The following OR8G1 variants were observed in gnomAD, a reference collection of about 807,000 sequenced individuals.
OR8G1 encodes the protein olfactory receptor 8G1.
For synonymous variants in OR8G1, 129 were observed against 133.3 expected, an observed-to-expected ratio of 0.97 and a Z score of 0.22; for missense variants, 372 against 356.2, an observed-to-expected ratio of 1.04 and a Z score of -0.36.
chr11:124,243,945 CAAAA>C (rs140926213), intron 1 of OR8G1, among the ~76,000 whole-genome samples: 2,745 of 149,882 alleles, frequency 0.018, 90 homozygotes, highest in African/African-American at 0.063. Context: ...TAAAAAATAA[CAAAA>C]GAAAGAGCTA....
chr11:124,246,192 A>G (rs1300288760), intron 1 of OR8G1, among the ~76,000 whole-genome samples: 1 of 151,942 alleles, frequency 6.6e-6, no homozygotes, highest in Non-Finnish European at 1.5e-5. Context: ...TAATTTTTGT[A>G]TAAGGTGTAA....
rs1295819838 is a variant in OR8G1, at chr11:124,250,055, G to T, written c.380G>T (p.Cys127Phe). 25 of 1,613,736 alleles carry T rather than the reference G, an allele frequency of 1.5e-5. No homozygotes were observed. The highest frequency in any genetic ancestry group is 1.9e-5 in the Non-Finnish European group (22 of 1,179,848). Residue 127 changes from cysteine (C) to phenylalanine (F), a missense_variant, in exon 3 of 3, where the codon TGT (cysteine) becomes TTT (phenylalanine). Transcript: ENST00000641972. ...AMAYDRYMAI[C>F]SPLLYSVIIS... ...GCGTATGACCGTTACATGGCCATCT[G>T]TAGCCCCTTGCTGTACAGTGTCATC... is the stretch of plus-strand genomic sequence containing the variant.
chr11:124,243,126 T>C (rs999084985), intron 1 of OR8G1, among the ~76,000 whole-genome samples: 2 of 152,066 alleles, frequency 1.3e-5, no homozygotes, highest in African/African-American at 2.4e-5. Context: ...ATGCTTTTGA[T>C]ATTCATGATG....
At chr11:124,241,795 C>T (rs1307568568) in intron 1 of OR8G1, among the ~76,000 whole-genome samples, 2 of 152,058 alleles carry the variant, frequency 1.3e-5, no homozygotes, top group Non-Finnish European at 2.9e-5. Flanking sequence ...GTGAATGTGA[C>T]AGACTCTAGG....
At position 124,249,981 on chromosome 11, in the gene OR8G1, C is replaced by T. The variant is rs1284672539; in HGVS notation, c.306C>T (p.Tyr102=). The T allele has an allele frequency of 3.7e-6, 6 of 1,613,838 alleles. No individual in the cohort carries two copies. Among genetic ancestry groups the T allele is most frequent in the Middle Eastern group, 1.6e-4 (1 of 6,062 alleles). Residue 102 remains tyrosine, a synonymous_variant, in exon 3 of 3, where the codon TAC becomes TAT. Coordinates refer to ENST00000641972, the MANE Select transcript of OR8G1 (RefSeq NM_001002905.2). Reference sequence around the variant, plus strand: ...ACCCTGAATGCATGACTCAGCTCTACTTCTTCCTCGTTTTTGCTATTGCAG... The same window carrying T: ...ACCCTGAATGCATGACTCAGCTCTATTTCTTCCTCGTTTTTGCTATTGCAG... The part of the protein sequence containing the change: ...ISYPECMTQL[Y]FFLVFAIAEC...
Position 124,247,367 on chromosome 11 carries a change from AG to A in OR8G1, c.-96-433del, listed in dbSNP as rs143906717. Among the ~76,000 whole-genome samples, 676 of 152,042 alleles carry A rather than the reference AG, an allele frequency of 4.4e-3. 5 individuals are homozygous for A. Among genetic ancestry groups the A allele is most frequent in the Non-Finnish European group, 7.3e-3 (495 of 67,832 alleles). On this transcript the variant is annotated intron_variant, in intron 1 of 2. Coordinates refer to ENST00000641972, the MANE Select transcript of OR8G1 (RefSeq NM_001002905.2). ...GTCTACAATTATGTTTAGATGTTAA[AG>A]AAACAATTACCAAAAAAGAAGAAGA...
rs555843112 is a variant in OR8G1 at position 124,248,741 on chromosome 11, GA to G, written c.-17+869del. Among the ~76,000 whole-genome samples the G allele has an allele frequency of 3.8e-4, 58 of 151,632 alleles. No individual in the cohort carries two copies. The South Asian group carries it at 4.2e-3, about 11-fold the overall frequency. On this transcript the variant is annotated intron_variant, in intron 2 of 2. Coordinates refer to ENST00000641972, the MANE Select transcript of OR8G1 (RefSeq NM_001002905.2). ...CTAATTCACAAAAGTTAAAAGAAGAGAAAAAAAATGGAGGTATTTTTATCTG... is the reference window on the plus strand; with the variant it reads ...CTAATTCACAAAAGTTAAAAGAAGAGAAAAAAATGGAGGTATTTTTATCTG...
chr11:124,246,627 AC>A (rs769866963), intron 1 of OR8G1, among the ~76,000 whole-genome samples: 9 of 151,820 alleles, frequency 5.9e-5, no homozygotes, highest in Non-Finnish European at 1.0e-4. Flanking sequence ...GAGAAAAAAA[AC>A]ACTATGCACA....
chr11:124,248,757 A>AT (rs1482207312), intron 2 of OR8G1, among the ~76,000 whole-genome samples: 1 of 152,022 alleles, frequency 6.6e-6, no homozygotes, highest in Non-Finnish European at 1.5e-5. Flanking sequence ...AAATGGAGGT[A>AT]TTTTTATCTG....
At chr11:124,243,786 G>A (rs1338496845) in intron 1 of OR8G1, among the ~76,000 whole-genome samples, 2 of 151,894 alleles carry the variant, frequency 1.3e-5, no homozygotes, top group African/African-American at 4.8e-5. Context: ...TTTTGGCTTC[G>A]GGTCAGTATT....
At position 124,250,067 on chromosome 11, in the gene OR8G1, T is replaced by G; in HGVS notation, c.392T>G (p.Leu131Arg). ...TACATGGCCATCTGTAGCCCCTTGC[T>G]GTACAGTGTCATCATATCCAATAAG... ...DRYMAICSPL[L>R]YSVIISNKAC... The change falls in exon 3 of 3, where the codon CTG becomes CGG. Residue 131 changes from leucine to arginine, a missense_variant. Transcript: ENST00000641972. 2 of 1,613,860 alleles carry G rather than the reference T, an allele frequency of 1.2e-6. No individual in the cohort carries two copies. The highest frequency in any genetic ancestry group is 8.5e-7 in the Non-Finnish European group (1 of 1,179,834).
chr11:124,254,155 T>C lies in OR8G1; in HGVS notation c.*3544T>C, dbSNP rs745389965. 1.3e-5 allele frequency: 2 copies of C among 152,182 alleles called. No individual in the cohort carries two copies. Among genetic ancestry groups the C allele is most frequent in the Non-Finnish European group, 2.9e-5 (2 of 68,024 alleles). The allele number at this position is 152,182 out of a possible 1,614,324, so 9.4% of individuals were successfully genotyped here. On this transcript the variant is annotated 3_prime_UTR_variant, in exon 3 of 3. Transcript: ENST00000641972. The stretch of plus-strand genomic sequence containing the variant: ...ATGACTGTACTAATTTACATTCCCA[T>C]AAACAGCATGTAATGGTTCACTTTC...
intron 1 of OR8G1, among the ~76,000 whole-genome samples, chr11:124,242,056 AT>A (rs1014789772): frequency 5.8e-4 from 80 of 138,330 alleles, no homozygotes; most frequent in African/African-American, 1.9e-3. Context: ...ATTTATTTTT[AT>A]TTTTTTTCAG....
chr11:124,243,245 G>A (rs577780181), intron 1 of OR8G1, among the ~76,000 whole-genome samples: 31 of 151,850 alleles, frequency 2.0e-4, no homozygotes, highest in Admixed American at 1.1e-3. Flanking sequence ...TTTTTAACAC[G>A]CAGGAGTAAA....
Position 124,253,786 on chromosome 11 carries a change from A to G in OR8G1, c.*3175A>G, listed in dbSNP as rs1861885326. On this transcript the variant is annotated 3_prime_UTR_variant, in exon 3 of 3. Coordinates refer to ENST00000641972, the MANE Select transcript of OR8G1 (RefSeq NM_001002905.2). The stretch of plus-strand genomic sequence containing the variant: ...TGTGAGTTCAGCATTTTTAGATTCC[A>G]CATGTATGTGAGATCATGTAGTATT... 6.6e-6 allele frequency: 1 copy of G among 152,110 alleles called. No homozygotes were observed. The highest frequency in any genetic ancestry group is 6.6e-5 in the Admixed American group (1 of 15,260). The allele number at this position is 152,110 out of a possible 1,614,324, so 9.4% of individuals were successfully genotyped here. A position where few individuals can be genotyped will look rare whatever the true frequency, so the allele number is the denominator to read the frequency against.
chr11:124,249,543 C>A, intron 2 of OR8G1, 117 bp from the exon 3 acceptor site: 1 of 857,964 alleles, frequency 1.2e-6, no homozygotes, highest in Non-Finnish European at 1.7e-6. Flanking sequence ...GTAAACTTTA[C>A]TTACTCAAAG....
chr11:124,245,458 A>AGT (rs1260201866), intron 1 of OR8G1, among the ~76,000 whole-genome samples: 7 of 148,452 alleles, frequency 4.7e-5, no homozygotes, highest in Non-Finnish European at 8.9e-5. Flanking sequence ...TATTGTGAAT[A>AGT]GTGCCGCAAT....
In OR8G1 at chr11:124,253,917, C is replaced by T. The variant is rs1861886454; in HGVS notation, c.*3306C>T. ...ATATTATTCCATTGTGCACATATAC[C>T]ACATTTTGTTTATCCATTCTTCCTA... On this transcript the variant is annotated 3_prime_UTR_variant, in exon 3 of 3. Coordinates refer to ENST00000641972, the MANE Select transcript of OR8G1 (RefSeq NM_001002905.2). 6.6e-6 allele frequency: 1 copy of T among 152,040 alleles called. No individual in the cohort carries two copies. Among genetic ancestry groups the T allele is most frequent in the African/African-American group, 2.4e-5 (1 of 41,414 alleles). 9.4% of individuals were successfully genotyped at this position (152,040 alleles called of 1,614,324 possible). A position where few individuals can be genotyped will look rare whatever the true frequency, so the allele number is the denominator to read the frequency against.
intron 1 of OR8G1, among the ~76,000 whole-genome samples, chr11:124,243,440 G>A (rs541238299): frequency 1.5e-4 from 23 of 151,878 alleles, no homozygotes; most frequent in South Asian, 2.1e-4. Context: ...GAATTCGTTC[G>A]GGAAACCATT....
Sources: allele counts gnomAD v4.1 joint callset (sites outside exome capture counted in the v4.1 genomes callset), GRCh38; gene constraint gnomAD v4.1.1; transcripts MANE v1.5; gene names NCBI Gene and HGNC (gene_info 2026-07-23, HGNC 2026-07-21).